DIS3: variants seen among roughly 807,000 people sequenced by gnomAD.
DIS3 encodes exosome complex exonuclease RRP44.
DIS3 carries 103 observed loss-of-function variants against 113.0 expected under a neutral mutation model. The ratio of observed to expected loss-of-function variants is 0.91; its 90% CI spans 0.78 to 1.07. The LOEUF (loss-of-function observed/expected upper bound fraction) is 1.07. Among genes scored for constraint, DIS3 ranks in the 50% least tolerant of loss-of-function variants. The probability of loss-of-function intolerance (pLI) is 0.00; values close to 1 mark genes in which losing one functional copy is unlikely to be tolerated. For missense variants in DIS3, 1,121 were observed against 1,167.1 expected, an observed-to-expected ratio of 0.96 and a Z score of 0.58; for synonymous variants, 402 against 394.3, an observed-to-expected ratio of 1.02 and a Z score of -0.23.
chr13:72,779,569 G>A (rs1211113807), intron 2 of DIS3, among the ~76,000 whole-genome samples: 1 of 152,088 alleles, frequency 6.6e-6, no homozygotes, highest in East Asian at 1.9e-4. Context: ...GGGCTTTACT[G>A]GTATTCTTTA....
intron 12 of DIS3, 31 bp downstream of exon 12, chr13:72,771,050 T>C: frequency 6.2e-7 from 1 of 1,611,282 alleles, no homozygotes; most frequent in South Asian, 1.1e-5. Flanking sequence ...AAATACAATG[T>C]CTTCAAGGAA....
chr13:72,779,100 A>G (rs1175108024), intron 2 of DIS3, among the ~76,000 whole-genome samples: 6 of 150,910 alleles, frequency 4.0e-5, no homozygotes, highest in Admixed American at 4.0e-4. Context: ...TTTATTCCTC[A>G]TCGTTGAATG....
intron 1 of DIS3, 194 bp downstream of exon 1, chr13:72,781,411 C>A: frequency 6.6e-7 from 1 of 1,523,398 alleles, no homozygotes; most frequent in South Asian, 1.2e-5. Context: ...AACTACGACT[C>A]CAAGAACTAA....
At chr13:72,767,973 C>G (rs937478489) in intron 14 of DIS3, among the ~76,000 whole-genome samples, 1 of 152,122 alleles carries the variant, frequency 6.6e-6, no homozygotes, top group Non-Finnish European at 1.5e-5. Flanking sequence ...ATACTCTATA[C>G]CTTACGCCTT....
At chr13:72,775,116 A>G in intron 6 of DIS3, 95 bp downstream of exon 6, 1 of 1,331,200 alleles carries the variant, frequency 7.5e-7, no homozygotes, top group South Asian at 1.6e-5. Flanking sequence ...GATTTTATGC[A>G]ATAAATCTGA....
chr13:72,772,754 T>A lies in DIS3; in HGVS notation c.1325A>T (p.Gln442Leu), dbSNP rs1213406648. 6.2e-7 allele frequency: 1 copy of A among 1,613,704 alleles called. No homozygotes were observed. Among genetic ancestry groups the A allele is most frequent in the Non-Finnish European group, 8.5e-7 (1 of 1,179,910 alleles). Reference protein sequence around the residue: ...VLLLEHDVPHQPFSQAVLSFL... With the variant: ...VLLLEHDVPHLPFSQAVLSFL... ...ACTAAGAACAGCCTGTGAAAAAGGC[T>A]GATGGGGAACATCGTGTTCAAGTAA... is the stretch of plus-strand genomic sequence containing the variant. The change falls in exon 9 of 21, where the codon CAG (glutamine) becomes CTG (leucine). Residue 442 changes from glutamine (Q) to leucine (L), a missense_variant. Transcript: ENST00000377767.
chr13:72,767,455 G>GA (rs1363146475), intron 14 of DIS3, among the ~76,000 whole-genome samples: 1 of 152,104 alleles, frequency 6.6e-6, no homozygotes, highest in African/African-American at 2.4e-5. Flanking sequence ...AAGCTTGAGT[G>GA]AAAGTTTTGC....
At position 72,768,278 on chromosome 13, in the gene DIS3, C is replaced by A. The variant is rs559798125; in HGVS notation, c.1883+507G>T. Among the ~76,000 whole-genome samples the A allele has an allele frequency of 9.2e-5, 14 of 152,252 alleles. No homozygotes were observed. The South Asian group carries it at 2.7e-3, about 29-fold the overall frequency. On this transcript the variant is annotated intron_variant, in intron 14 of 20. Transcript: ENST00000377767. The stretch of plus-strand genomic sequence containing the variant: ...TTCTTCAAGATCTTTAACTCAAACA[C>A]AATTTTTTAACACAACAAATTACAA...
rs1390566064 is a variant in DIS3 at position 72,775,202 on chromosome 13, G to C, written c.987+9C>G. On this transcript the variant is annotated intron_variant, in intron 6 of 20. Coordinates refer to ENST00000377767, the MANE Select transcript of DIS3 (RefSeq NM_014953.5). ...CACAGACAAAAAAAAATCCTGCTTA[G>C]ATTCATACCATTCGTTCTGTCTCTT... is the stretch of plus-strand genomic sequence containing the variant. 1.2e-6 allele frequency: 2 copies of C among 1,607,598 alleles called. No homozygotes were observed. Among genetic ancestry groups the C allele is most frequent in the East Asian group, 2.2e-5 (1 of 44,702 alleles).
chr13:72,761,371 C>T lies in DIS3; in HGVS notation c.2662G>A (p.Asp888Asn), dbSNP rs1185530109. The change falls in exon 19 of 21, where the codon GAT becomes AAT. Residue 888 changes from aspartate to asparagine, a missense_variant. This residue lies in a region of DIS3 where 861 missense variants were observed against 915.5 expected (regional missense o/e 0.94). Transcript: ENST00000377767. Reference protein sequence around the residue: ...KDKPNPQLIYDDEIPSLKIED... With the variant: ...KDKPNPQLIYNDEIPSLKIED... ...CATGAGAAATACCGTACCTCATCATCATAAATAAGCTGTGGGTTTGGTTTG... is the reference window on the plus strand; with the variant it reads ...CATGAGAAATACCGTACCTCATCATTATAAATAAGCTGTGGGTTTGGTTTG... The T allele has an allele frequency of 6.3e-7, 1 of 1,599,560 alleles. No homozygotes were observed. Among genetic ancestry groups the T allele is most frequent in the Non-Finnish European group, 8.5e-7 (1 of 1,176,754 alleles).
Position 72,757,750 on chromosome 13 carries a change from CG to C in DIS3, c.*2044del. On this transcript the variant is annotated 3_prime_UTR_variant, in exon 21 of 21. Transcript: ENST00000377767. Reference sequence around the variant, plus strand: ...CCGGCAAACTTTTTTAAATGGTTGGCGGGGGTGGGGGAAATCAAATGAGTAA... The same window carrying C: ...CCGGCAAACTTTTTTAAATGGTTGGCGGGGTGGGGGAAATCAAATGAGTAA... The C allele has an allele frequency of 5.2e-6, 1 of 192,006 alleles. No individual in the cohort carries two copies. The highest frequency in any genetic ancestry group is 1.1e-5 in the Non-Finnish European group (1 of 91,804). 11.9% of individuals were successfully genotyped at this position (192,006 alleles called of 1,614,324 possible).
At position 72,777,511 on chromosome 13, in the gene DIS3, T is replaced by G; in HGVS notation, c.581-18A>C. On this transcript the variant is annotated intron_variant, in intron 3 of 20. Coordinates refer to ENST00000377767, the MANE Select transcript of DIS3 (RefSeq NM_014953.5). ...TTCTTCACCTGAAAAAATAAGTTTA[T>G]GTTGTTTTTGATAAGTGTTTTTTCC... is the stretch of plus-strand genomic sequence containing the variant. 1 of 1,610,252 alleles carries G rather than the reference T, an allele frequency of 6.2e-7. No homozygotes were observed. Among genetic ancestry groups the G allele is most frequent in the Non-Finnish European group, 8.5e-7 (1 of 1,176,700 alleles).
Position 72,778,382 on chromosome 13 carries a change from TA to T in DIS3, c.387-3del, listed in dbSNP as rs755793020. On this transcript the variant is annotated splice_polypyrimidine_tract_variant and splice_region_variant and intron_variant, in intron 2 of 20. Transcript: ENST00000377767. ...TGTTCTTGTTCTACATAGGTTTCTCTAAATGGAAAGAAAAAACGAAATAAAA... is the reference window on the plus strand; with the variant it reads ...TGTTCTTGTTCTACATAGGTTTCTCTAATGGAAAGAAAAAACGAAATAAAA... 2.2e-5 allele frequency: 34 copies of T among 1,539,404 alleles called. No individual in the cohort carries two copies. The highest frequency in any genetic ancestry group is 2.8e-5 in the Non-Finnish European group (32 of 1,130,322).
At position 72,759,980 on chromosome 13, in the gene DIS3, T is replaced by TG. The variant is rs1237013280; in HGVS notation, c.2794-103dup. On this transcript the variant is annotated intron_variant, in intron 20 of 20. Coordinates refer to ENST00000377767, the MANE Select transcript of DIS3 (RefSeq NM_014953.5). The stretch of plus-strand genomic sequence containing the variant: ...ACTGCCAGCTTCAAATTTAAAAGGA[T>TG]GTAGTGGTAGGGAGGGGAAAGGGGG... The TG allele has an allele frequency of 2.2e-5, 21 of 945,838 alleles. No homozygotes were observed. In the Middle Eastern group the frequency reaches 8.8e-4, roughly 40 times the overall value. 58.6% of individuals were successfully genotyped at this position (945,838 alleles called of 1,614,324 possible). A position where few individuals can be genotyped will look rare whatever the true frequency, so the allele number is the denominator to read the frequency against.
At chr13:72,778,136 T>C in intron 3 of DIS3, 51 bp downstream of exon 3, 1 of 1,460,334 alleles carries the variant, frequency 6.8e-7, no homozygotes, top group East Asian at 2.3e-5. Context: ...TAATGATTAT[T>C]TTTACACGCA....
At position 72,753,704 on chromosome 13, in the gene DIS3, T is replaced by C; in HGVS notation, c.*6091A>G. ...TCTCCTGTCAGATGGATAGTGGCTA[T>C]AATACGCAGAATTGTGGAAGCAATA... On this transcript the variant is annotated 3_prime_UTR_variant, in exon 21 of 21. Transcript: ENST00000377767. The C allele has an allele frequency of 1.2e-6, 2 of 1,612,464 alleles. No individual in the cohort carries two copies. The highest frequency in any genetic ancestry group is 1.7e-6 in the Non-Finnish European group (2 of 1,179,416).
At chr13:72,765,432 C>T (rs1186350202) in intron 15 of DIS3, among the ~76,000 whole-genome samples, 2 of 152,064 alleles carry the variant, frequency 1.3e-5, no homozygotes, top group African/African-American at 4.8e-5. Context: ...GCACCAGGGA[C>T]GGGTTTCATG....
Position 72,771,785 on chromosome 13 carries a change from A to G in DIS3, c.1605+10T>C, listed in dbSNP as rs774091674. 3 of 1,610,502 alleles carry G rather than the reference A, an allele frequency of 1.9e-6. No individual in the cohort carries two copies. The highest frequency in any genetic ancestry group is 2.5e-6 in the Non-Finnish European group (3 of 1,179,062). ...CATGACTGTTAAATTTTTAAATTCA[A>G]TACATTTACCTTTTCACAAAGATAC... On this transcript the variant is annotated intron_variant, in intron 11 of 20. Transcript: ENST00000377767.
Position 72,755,356 on chromosome 13 carries a change from G to A in DIS3, c.*4439C>T. On this transcript the variant is annotated 3_prime_UTR_variant, in exon 21 of 21. Coordinates refer to ENST00000377767, the MANE Select transcript of DIS3 (RefSeq NM_014953.5). ...TTCCCTCCTTAATGTGAAAAATCAA[G>A]GGCTTACTGACATAGGAACAACAGA... 1 of 633,458 alleles carries A rather than the reference G, an allele frequency of 1.6e-6. No individual in the cohort carries two copies. The highest frequency in any genetic ancestry group is 2.9e-5 in the East Asian group (1 of 34,394). The allele number at this position is 633,458 out of a possible 1,614,324, so 39.2% of individuals were successfully genotyped here.
Sources: gnomAD v4.1 joint callset for allele counts (sites outside exome capture counted in the v4.1 genomes callset) on GRCh38, gnomAD v4.1.1 for gene constraint, gnomAD v4.1.1 regional missense constraint, MANE v1.5 for transcripts, NCBI Gene and HGNC (gene_info 2026-07-23, HGNC 2026-07-21) for gene names.